Variants in SZT2 observed in about 807,000 individuals in gnomAD.
SZT2 encodes the protein SZT2 subunit of KICSTOR complex, also known as KICSTOR complex protein SZT2.
Under a neutral mutation model 404.2 loss-of-function variants are expected in SZT2, and 216 were observed. The ratio of observed to expected loss-of-function variants is 0.53; its 90% CI spans 0.48 to 0.60. The LOEUF is 0.60. Ranked by LOEUF, SZT2 falls within the 20% of genes least tolerant of loss-of-function variation. The pLI, the probability that SZT2 is intolerant of heterozygous loss-of-function variation, is 0.00. For missense variants in SZT2, 3,857 were observed against 4,459.2 expected (o/e 0.86, Z 3.85); for synonymous variants, 1,693 against 1,749.9 (o/e 0.97, Z 0.81).
rs771381659 is a variant in SZT2, at chr1:43,451,187, G to A, written c.*707G>A. 1 of 1,498,266 alleles carries A rather than the reference G, an allele frequency of 6.7e-7. No individual in the cohort carries two copies. Among genetic ancestry groups the A allele is most frequent in the South Asian group, 1.1e-5 (1 of 88,772 alleles). The allele number at this position is 1,498,266 out of a possible 1,614,324, so 92.8% of individuals were successfully genotyped here. The stretch of plus-strand genomic sequence containing the variant: ...GCAGGTCATCTTTAATGCAGAGGAG[G>A]AGATGGGATGTCACTCGCTGTCTGG... On this transcript the variant is annotated 3_prime_UTR_variant, in exon 72 of 72. Transcript: ENST00000634258.
chr1:43,403,364 A>C, intron 2 of SZT2, 62 bp downstream of exon 2: 1 of 1,571,912 alleles, frequency 6.4e-7, no homozygotes, highest in Non-Finnish European at 8.6e-7. Context: ...TTTTTAGGAG[A>C]GTGCTAGAAA....
Position 43,427,292 on chromosome 1 carries a change from C to T in SZT2, c.3445C>T (p.Leu1149=), listed in dbSNP as rs1339102059. The change falls in exon 25 of 72, where the codon CTG becomes TTG. Residue 1149 remains leucine, a synonymous_variant. Coordinates refer to ENST00000634258, the MANE Select transcript of SZT2 (RefSeq NM_001365999.1). The part of the protein sequence containing the change: ...LPATFSDVQR[L]AACGLEGPPQ... ...CTGATCCTCTTCAGATGTCCAGCGT[C>T]TGGCTGCCTGTGGCCTGGAGGGACC... 6.2e-7 allele frequency: 1 copy of T among 1,610,248 alleles called. No individual in the cohort carries two copies. The highest frequency in any genetic ancestry group is 8.5e-7 in the Non-Finnish European group (1 of 1,178,012).
chr1:43,409,368 G>GT, intron 4 of SZT2: 1 of 273,080 alleles, frequency 3.7e-6, no homozygotes, highest in South Asian at 3.2e-5. Flanking sequence ...ATTCATTAGG[G>GT]GGATAAGGAG....
In SZT2 at chr1:43,420,235, T is replaced by C; in HGVS notation, c.1173T>C (p.Thr391=). Residue 391 remains threonine, a synonymous_variant, in exon 9 of 72, where the codon ACT becomes ACC. Transcript: ENST00000634258. The surrounding 1 kb of genome is among the most constrained non-coding windows in gnomAD (Gnocchi z 5.1). ...PALALRRKKH[T]EKEVPADLVS... Reference sequence around the variant, plus strand: ...TGGCCTTGCGCCGGAAGAAGCACACTGAGAAGGAGGTGCCAGCCGACTTGG... The same window carrying C: ...TGGCCTTGCGCCGGAAGAAGCACACCGAGAAGGAGGTGCCAGCCGACTTGG... 6.3e-7 allele frequency: 1 copy of C among 1,598,406 alleles called. No individual in the cohort carries two copies.
Position 43,442,209 on chromosome 1 carries a change from G to A in SZT2, c.7874-59G>A, listed in dbSNP as rs922493844. 1.9e-6 allele frequency: 3 copies of A among 1,600,518 alleles called. No homozygotes were observed. Among genetic ancestry groups the A allele is most frequent in the African/African-American group, 2.7e-5 (2 of 74,724 alleles). ...GGGTCTCCAACCTTGCAGAGGGGAG[G>A]GTGGGATCAAGGGGGATCTGTTCCC... On this transcript the variant is annotated intron_variant, in intron 56 of 71. Transcript: ENST00000634258. The surrounding 1 kb of genome is among the most constrained non-coding windows in gnomAD (Gnocchi z 4.5).
chr1:43,431,232 T>C (rs749594061), intron 33 of SZT2, 33 bp from the exon 34 acceptor site: 4 of 1,577,396 alleles, frequency 2.5e-6, no homozygotes, highest in East Asian at 2.2e-5. Context: ...GGATAGTAAC[T>C]CCTGACCTTT....
Position 43,401,737 on chromosome 1 carries a change from C to T in SZT2, c.28-1440C>T, listed in dbSNP as rs559488271. ...CTGACCTCAGGTGATCCACCCGCCT[C>T]GGCCTCCTGAAGTGCTGGGATTACA... On this transcript the variant is annotated intron_variant, in intron 1 of 71. Transcript: ENST00000634258. Among the ~76,000 whole-genome samples, 40 of 152,278 alleles carry T rather than the reference C, an allele frequency of 2.6e-4. 1 individual carries two copies. The highest frequency in any genetic ancestry group is 4.1e-4 in the South Asian group (2 of 4,832).
chr1:43,403,764 C>T lies in SZT2; in HGVS notation c.317C>T (p.Thr106Ile). The change falls in exon 3 of 72, where the codon ACT (threonine) becomes ATT (isoleucine). Residue 106 changes from threonine (T) to isoleucine (I), a missense_variant. Around this residue, in one of 7 missense-constraint regions of SZT2, gnomAD observed 536 missense variants for 637.4 expected, o/e 0.84. Coordinates refer to ENST00000634258, the MANE Select transcript of SZT2 (RefSeq NM_001365999.1). ...ATTGAGTTGGACCTTAGCCCATCTA[C>T]TGGCATTGTGGTAAAGGATTGAAGG... ...FVIELDLSPS[T>I]GIVDDSTGEI... 4 of 1,614,034 alleles carry T rather than the reference C, an allele frequency of 2.5e-6. No homozygotes were observed. The highest frequency in any genetic ancestry group is 3.4e-6 in the Non-Finnish European group (4 of 1,180,002).
chr1:43,400,145 G>T (rs1256724494), intron 1 of SZT2, among the ~76,000 whole-genome samples: 1 of 150,564 alleles, frequency 6.6e-6, no homozygotes, highest in African/African-American at 2.4e-5. Context: ...TTCACCGTTT[G>T]CCCAGGCTGT....
intron 1 of SZT2, among the ~76,000 whole-genome samples, chr1:43,402,764 A>G (rs1039984905): frequency 9.9e-5 from 15 of 152,216 alleles, no homozygotes; most frequent in Admixed American, 4.6e-4. Context: ...GCTGTTGTCA[A>G]GACTTGTTAG....
chr1:43,418,558 G>A (rs540005310), intron 7 of SZT2, among the ~76,000 whole-genome samples: 1 of 152,334 alleles, frequency 6.6e-6, no homozygotes, highest in Non-Finnish European at 1.5e-5. Flanking sequence ...GGACTGCCCT[G>A]AAGGACTAGC....
Position 43,448,399 on chromosome 1 carries a change from T to C in SZT2, c.9884T>C (p.Leu3295Pro). The part of the protein sequence containing the change: ...LEPPGPDRLR[L>P]GGRLALAELE... ...CCACCGGGGCCTGATCGACTGCGGC[T>C]AGGGGGGCGCCTGGCCCTGGCAGAG... The change falls in exon 69 of 72, where the codon CTA becomes CCA. Residue 3295 changes from leucine (L) to proline (P), a missense_variant. Physicochemically the swap from Leu to Pro is moderately conservative, Grantham distance 98 (BLOSUM62 -3). Coordinates refer to ENST00000634258, the MANE Select transcript of SZT2 (RefSeq NM_001365999.1). The surrounding 1 kb of genome is among the most constrained non-coding windows in gnomAD (Gnocchi z 4.2). 1 of 1,577,812 alleles carries C rather than the reference T, an allele frequency of 6.3e-7. No homozygotes were observed. The highest frequency in any genetic ancestry group is 1.1e-5 in the South Asian group (1 of 87,568).
rs1164345135 is a variant in SZT2 at position 43,430,004 on chromosome 1, A to G, written c.4309-7A>G. The G allele has an allele frequency of 1.9e-6, 3 of 1,614,148 alleles. No homozygotes were observed. The highest frequency in any genetic ancestry group is 2.5e-6 in the Non-Finnish European group (3 of 1,180,010). On this transcript the variant is annotated splice_polypyrimidine_tract_variant and splice_region_variant and intron_variant, in intron 29 of 71. Coordinates refer to ENST00000634258, the MANE Select transcript of SZT2 (RefSeq NM_001365999.1). ...ACATTCTAACCTCCTTCTAAACCCC[A>G]CAACAGGAGAAGTTCCTAGAGATCA... is the stretch of plus-strand genomic sequence containing the variant.
rs1060504947 is a variant in SZT2, at chr1:43,428,244, A to G, written c.3924A>G (p.Leu1308=). ...EHAQRCYVRG[L]FRSLQQAQSV... ...GGCCCCTTCCACTTCCATCAGGGCT[A>G]TTCCGCAGCTTGCAGCAAGCACAGA... Residue 1308 remains leucine (L), a synonymous_variant, in exon 28 of 72, where the codon CTA becomes CTG. Coordinates refer to ENST00000634258, the MANE Select transcript of SZT2 (RefSeq NM_001365999.1). The G allele has an allele frequency of 1.9e-6, 3 of 1,614,190 alleles. No homozygotes were observed. The highest frequency in any genetic ancestry group is 2.5e-6 in the Non-Finnish European group (3 of 1,180,026).
Position 43,441,268 on chromosome 1 carries a change from C to G in SZT2, c.7399C>G (p.Leu2467Val), listed in dbSNP as rs1655029165. The change falls in exon 53 of 72, where the codon CTG becomes GTG. Residue 2467 changes from leucine to valine, a missense_variant. Transcript: ENST00000634258. This position sits in a 1 kb window ranked among gnomAD's most constrained non-coding sequence, Gnocchi z 4.8. ...GSPKTTDDIV[L>V]DRPEDTRGRR... is the part of the protein sequence containing the mutation. ...CCCCAAAACAACTGATGACATTGTC[C>G]TGGATCGGCCAGAAGACACTCGGGG... 3.1e-6 allele frequency: 5 copies of G among 1,614,222 alleles called. No individual in the cohort carries two copies. In the South Asian group the frequency reaches 4.4e-5, roughly 14 times the overall value.
Position 43,441,727 on chromosome 1 carries a change from C to CGG in SZT2, c.7652_7653dup (p.Phe2552GlyfsTer102). ...CAGAAGCTCTGCCCACATGGTGTCC[C>CGG]GGTTCCTCCTTCCATCCATCCTGTC... On this transcript the variant is annotated frameshift_variant, in exon 55 of 72. Transcript: ENST00000634258. LOFTEE classifies it high-confidence loss of function. The surrounding 1 kb of genome is among the most constrained non-coding windows in gnomAD (Gnocchi z 4.8). 4 of 1,614,178 alleles carry CGG rather than the reference C, an allele frequency of 2.5e-6. No homozygotes were observed. Among genetic ancestry groups the CGG allele is most frequent in the Non-Finnish European group, 3.4e-6 (4 of 1,180,038 alleles).
In SZT2 at chr1:43,452,368, A is replaced by C. The variant is rs749410338; in HGVS notation, c.*1888A>C. Reference sequence around the variant, plus strand: ...CCTTGCCTCCCTTGGCTCTCTCTGCACCTCTTCCAGGATTCCCTGACTGTG... The same window carrying C: ...CCTTGCCTCCCTTGGCTCTCTCTGCCCCTCTTCCAGGATTCCCTGACTGTG... On this transcript the variant is annotated 3_prime_UTR_variant, in exon 72 of 72. Transcript: ENST00000634258. 8.3e-5 allele frequency: 119 copies of C among 1,441,274 alleles called. No homozygotes were observed. The highest frequency in any genetic ancestry group is 1.0e-4 in the Non-Finnish European group (106 of 1,033,136). The allele number at this position is 1,441,274 out of a possible 1,614,324, so 89.3% of individuals were successfully genotyped here.
intron 1 of SZT2, among the ~76,000 whole-genome samples, chr1:43,395,229 C>A (rs1462691225): frequency 6.6e-6 from 1 of 152,222 alleles, no homozygotes; most frequent in Non-Finnish European, 1.5e-5. Flanking sequence ...GCTCAACCTT[C>A]AGCATCACTT....
intron 1 of SZT2, among the ~76,000 whole-genome samples, chr1:43,402,627 A>G (rs1327618614): frequency 6.6e-6 from 1 of 152,220 alleles, no homozygotes; most frequent in Non-Finnish European, 1.5e-5. Flanking sequence ...CCTATGAGGC[A>G]ATGGAGGCAA....
Sources: allele counts gnomAD v4.1 joint callset (sites outside exome capture counted in the v4.1 genomes callset), GRCh38; gene constraint gnomAD v4.1.1; regional missense constraint gnomAD v4.1.1; non-coding constraint Gnocchi (gnomAD v3.1); transcripts MANE v1.5; gene names NCBI Gene and HGNC (gene_info 2026-07-23, HGNC 2026-07-21).